SHISA5: variants seen among roughly 807,000 people sequenced by gnomAD.
The protein encoded by SHISA5 is shisa family member 5.
SHISA5 carries 21 observed loss-of-function variants against 27.5 expected under a neutral mutation model. The observed-to-expected ratio is 0.76, with a 90% CI of 0.54 to 1.10. SHISA5 has a LOEUF of 1.10. Among genes scored for constraint, SHISA5 ranks in the 50% least tolerant of loss-of-function variants. The probability of loss-of-function intolerance (pLI) is 0.00; values close to 1 mark genes in which losing one functional copy is unlikely to be tolerated. For missense variants in SHISA5, 314 were observed against 336.3 expected (o/e 0.93, Z 0.52); for synonymous variants, 137 against 142.2 (o/e 0.96, Z 0.26).
chr3:48,487,946 G>A (rs896401820), intron 2 of SHISA5, among the ~76,000 whole-genome samples: 2 of 151,984 alleles, frequency 1.3e-5, no homozygotes, highest in Admixed American at 1.3e-4. Context: ...GTACCCATGG[G>A]GGATATTTCT....
chr3:48,478,812 A>G (rs561260083), intron 3 of SHISA5, among the ~76,000 whole-genome samples: 2 of 151,376 alleles, frequency 1.3e-5, no homozygotes, highest in East Asian at 3.9e-4. Flanking sequence ...ATCACAATAT[A>G]CCCGCCCCCA....
chr3:48,482,826 G>A (rs975410639), intron 2 of SHISA5, among the ~76,000 whole-genome samples: 4 of 151,958 alleles, frequency 2.6e-5, no homozygotes, highest in African/African-American at 4.8e-5. Flanking sequence ...GTAGAGATGG[G>A]GTTTCACCAT....
At position 48,476,916 on chromosome 3, in the gene SHISA5, G is replaced by A. The variant is rs1000495829; in HGVS notation, c.314+2261C>T. 5 of 358,018 alleles carry A rather than the reference G, an allele frequency of 1.4e-5. No homozygotes were observed. The Admixed American group carries it at 1.5e-4, about 11-fold the overall frequency. 22.2% of individuals were successfully genotyped at this position (358,018 alleles called of 1,614,324 possible). On this transcript the variant is annotated intron_variant, in intron 3 of 5. Transcript: ENST00000296444. ...CGAGGCCCAGTGCTATGCACACCAC[G>A]GCGGCAGCTGGGCTAACAGAACAGG...
At position 48,468,655 on chromosome 3, in the gene SHISA5, G is replaced by A. The variant is rs2040450624; in HGVS notation, c.*452C>T. The A allele has an allele frequency of 8.3e-7, 1 of 1,208,762 alleles. No homozygotes were observed. The highest frequency in any genetic ancestry group is 1.5e-5 in the South Asian group (1 of 66,196). 74.9% of individuals were successfully genotyped at this position (1,208,762 alleles called of 1,614,324 possible). A position where few individuals can be genotyped will look rare whatever the true frequency, so the allele number is the denominator to read the frequency against. ...CGGGGACGAGCCATGGCCTCAAGCA[G>A]CAGCTGGCTACGCTGCCGAAACCAG... On this transcript the variant is annotated 3_prime_UTR_variant, in exon 6 of 6. Coordinates refer to ENST00000296444, the MANE Select transcript of SHISA5 (RefSeq NM_016479.6).
At chr3:48,503,890 G>A (rs910711129) in intron 1 of SHISA5, 129 bp downstream of exon 1, 26 of 1,319,466 alleles carry the variant, frequency 2.0e-5, no homozygotes, top group African/African-American at 3.1e-5. Context: ...TTCGCTGACG[G>A]CCTCGGGGCA....
intron 2 of SHISA5, 43 bp from the exon 3 acceptor site, chr3:48,479,300 C>G: frequency 2.6e-6 from 4 of 1,558,880 alleles, no homozygotes; most frequent in Non-Finnish European, 3.5e-6. Flanking sequence ...GAAGCCCCAC[C>G]GAGCGCCAGC....
At chr3:48,484,718 C>T (rs998620210) in intron 2 of SHISA5, among the ~76,000 whole-genome samples, 3 of 151,982 alleles carry the variant, frequency 2.0e-5, no homozygotes, top group African/African-American at 7.3e-5. Context: ...ATGGTGAAAC[C>T]CCATCCCTAC....
chr3:48,490,581 T>C (rs937226158), intron 2 of SHISA5, among the ~76,000 whole-genome samples: 2 of 152,176 alleles, frequency 1.3e-5, no homozygotes, highest in African/African-American at 4.8e-5. Context: ...CAAATTCCTA[T>C]CTAAGGGGCC....
chr3:48,491,872 C>A (rs938644538), intron 2 of SHISA5, among the ~76,000 whole-genome samples: 6 of 152,084 alleles, frequency 3.9e-5, no homozygotes, highest in African/African-American at 1.4e-4. Context: ...CTACTGATTT[C>A]TCTCCCTTTT....
intron 2 of SHISA5, among the ~76,000 whole-genome samples, chr3:48,490,101 C>T (rs1344849130): frequency 6.6e-6 from 1 of 151,964 alleles, no homozygotes; most frequent in African/African-American, 2.4e-5. Context: ...CGGAGTTTTG[C>T]TCTTGCCACC....
At chr3:48,503,009 G>A in intron 1 of SHISA5, 1 of 932,400 alleles carries the variant, frequency 1.1e-6, no homozygotes, top group Non-Finnish European at 1.5e-6. Flanking sequence ...GCACTTCTTG[G>A]CAGCTCCAGG....
At chr3:48,489,194 GA>G (rs1363243141) in intron 2 of SHISA5, among the ~76,000 whole-genome samples, 4 of 141,000 alleles carry the variant, frequency 2.8e-5, no homozygotes, top group Non-Finnish European at 4.5e-5. Flanking sequence ...AACATTATGA[GA>G]TTTTTTTTTT....
chr3:48,504,011 C>T lies in SHISA5; in HGVS notation c.76+8G>A. ...GGGCAGGACGGGCCGCCCCCACCCCCGGCTCACCACCCGGAGGCGGCGTTA... is the reference window on the plus strand; with the variant it reads ...GGGCAGGACGGGCCGCCCCCACCCCTGGCTCACCACCCGGAGGCGGCGTTA... On this transcript the variant is annotated splice_region_variant and intron_variant, in intron 1 of 5. Coordinates refer to ENST00000296444, the MANE Select transcript of SHISA5 (RefSeq NM_016479.6). The surrounding 1 kb of genome is among the most constrained non-coding windows in gnomAD (Gnocchi z 4.0). 6.8e-7 allele frequency: 1 copy of T among 1,466,586 alleles called. No individual in the cohort carries two copies. The highest frequency in any genetic ancestry group is 1.8e-4 in the Middle Eastern group (1 of 5,642). 90.8% of individuals were successfully genotyped at this position (1,466,586 alleles called of 1,614,324 possible).
At chr3:48,502,589 A>G (rs1461285444) in intron 1 of SHISA5, 1 of 348,840 alleles carries the variant, frequency 2.9e-6, no homozygotes, top group Non-Finnish European at 5.7e-6. Flanking sequence ...GATGACCACA[A>G]GGTTTACAAA....
Position 48,473,225 on chromosome 3 carries a change from C to T in SHISA5, c.315-3382G>A. 1.4e-6 allele frequency: 2 copies of T among 1,427,370 alleles called. No homozygotes were observed. The highest frequency in any genetic ancestry group is 1.8e-6 in the Non-Finnish European group (2 of 1,094,566). 88.4% of individuals were successfully genotyped at this position (1,427,370 alleles called of 1,614,324 possible). On this transcript the variant is annotated intron_variant, in intron 3 of 5. Transcript: ENST00000296444. The surrounding 1 kb of genome is among the most constrained non-coding windows in gnomAD (Gnocchi z 4.3). ...GCCCCGCCCAGCAGCCGGCTAGCAG[C>T]CAAGGAGCCAAGGGGCGGGGGCCGG...
chr3:48,498,636 G>A (rs1356398010), intron 2 of SHISA5, among the ~76,000 whole-genome samples: 1 of 141,980 alleles, frequency 7.0e-6, no homozygotes, highest in East Asian at 2.2e-4. Flanking sequence ...GCCGTGAGAT[G>A]AGATCACGCG....
chr3:48,497,262 GT>G (rs771239815), intron 2 of SHISA5, among the ~76,000 whole-genome samples: 418 of 116,572 alleles, frequency 3.6e-3, no homozygotes, highest in Middle Eastern at 8.5e-3. Flanking sequence ...TCCAGAACAA[GT>G]TTTTTTTTTT....
chr3:48,492,838 TG>T (rs1296678187), intron 2 of SHISA5, among the ~76,000 whole-genome samples: 5 of 147,196 alleles, frequency 3.4e-5, no homozygotes, highest in Non-Finnish European at 2.9e-5. Context: ...GCATCCAAGA[TG>T]GAGTTGTTTT....
intron 2 of SHISA5, among the ~76,000 whole-genome samples, chr3:48,489,050 G>A (rs900454621): frequency 6.6e-6 from 1 of 152,136 alleles, no homozygotes; most frequent in African/African-American, 2.4e-5. Context: ...ATGAAGTGAA[G>A]GAAGGCTGTC....
Sources: allele counts gnomAD v4.1 joint callset (sites outside exome capture counted in the v4.1 genomes callset), GRCh38; gene constraint gnomAD v4.1.1; non-coding constraint Gnocchi (gnomAD v3.1); transcripts MANE v1.5; gene names NCBI Gene and HGNC (gene_info 2026-07-23, HGNC 2026-07-21).